Variants in VAPB observed in about 807,000 individuals in gnomAD.
VAPB encodes the protein VAMP associated protein B and C.
In VAPB, 7 loss-of-function variants were observed where a neutral mutation model predicts 25.6. The ratio of observed to expected loss-of-function variants is 0.27; its 90% CI spans 0.16 to 0.51. VAPB has a LOEUF of 0.51. Ranked by LOEUF, VAPB falls within the 20% of genes least tolerant of loss-of-function variation. VAPB has a pLI of 0.97. For missense variants in VAPB, 266 were observed against 301.3 expected, an observed-to-expected ratio of 0.88 and a Z score of 0.87; for synonymous variants, 112 against 109.2, an observed-to-expected ratio of 1.03 and a Z score of -0.16.
chr20:58,401,430 C>T (rs1988093027), intron 1 of VAPB, among the ~76,000 whole-genome samples: 2 of 152,192 alleles, frequency 1.3e-5, no homozygotes, highest in African/African-American at 4.8e-5. Flanking sequence ...CTTCTAGTCA[C>T]TGCCCGGGAG....
chr20:58,450,324 T>C lies in VAPB; in HGVS notation c.*6089T>C, dbSNP rs1398825798. The C allele has an allele frequency of 2.2e-6, 1 of 454,002 alleles. No homozygotes were observed. Among genetic ancestry groups the C allele is most frequent in the East Asian group, 6.9e-5 (1 of 14,402 alleles). 28.1% of individuals were successfully genotyped at this position (454,002 alleles called of 1,614,324 possible). A position where few individuals can be genotyped will look rare whatever the true frequency, so the allele number is the denominator to read the frequency against. ...CTACTTTTTGCTTTTCATCATTCAC[T>C]CCTTAGCAAACGTTTCGTAAGTACC... On this transcript the variant is annotated 3_prime_UTR_variant, in exon 6 of 6. Transcript: ENST00000475243.
chr20:58,437,498 G>C (rs1446833404), intron 3 of VAPB, among the ~76,000 whole-genome samples: 1 of 152,188 alleles, frequency 6.6e-6, no homozygotes, highest in African/African-American at 2.4e-5. Context: ...ATAGCACAAA[G>C]CACATTTGCC....
In VAPB at chr20:58,445,440, T is replaced by G. The variant is rs1258114694; in HGVS notation, c.*1205T>G. 1 of 454,346 alleles carries G rather than the reference T, an allele frequency of 2.2e-6. No individual in the cohort carries two copies. The highest frequency in any genetic ancestry group is 6.9e-5 in the East Asian group (1 of 14,390). The allele number at this position is 454,346 out of a possible 1,614,324, so 28.1% of individuals were successfully genotyped here. A position where few individuals can be genotyped will look rare whatever the true frequency, so the allele number is the denominator to read the frequency against. On this transcript the variant is annotated 3_prime_UTR_variant, in exon 6 of 6. Coordinates refer to ENST00000475243, the MANE Select transcript of VAPB (RefSeq NM_004738.5). ...ACTCTTCAGCGAATCCTTCTAGTAC[T>G]AGTTGAGAGTTTGACTGTGAATTAA...
At chr20:58,438,069 C>T (rs769466377) in intron 3 of VAPB, among the ~76,000 whole-genome samples, 2 of 152,056 alleles carry the variant, frequency 1.3e-5, no homozygotes, top group African/African-American at 2.4e-5. Flanking sequence ...TGGGATTTAG[C>T]TAGGAAGGTG....
intron 2 of VAPB, among the ~76,000 whole-genome samples, chr20:58,427,846 A>G (rs896296572): frequency 1.5e-4 from 22 of 151,402 alleles, no homozygotes; most frequent in Admixed American, 1.3e-4. Flanking sequence ...GATGCTGGTG[A>G]AAGTGATCTG....
intron 1 of VAPB, among the ~76,000 whole-genome samples, chr20:58,396,221 G>A (rs1377635350): frequency 3.9e-5 from 6 of 152,166 alleles, no homozygotes; most frequent in Non-Finnish European, 8.8e-5. Context: ...CCTTTGGTTA[G>A]CATGTTAGTA....
chr20:58,416,481 C>T (rs1254100088), intron 1 of VAPB, among the ~76,000 whole-genome samples: 1 of 75,954 alleles, frequency 1.3e-5, no homozygotes, highest in East Asian at 3.8e-4. Flanking sequence ...TGTGAGTTTT[C>T]TGTATTTCTT....
chr20:58,441,366 G>T (rs1989157912), intron 5 of VAPB, among the ~76,000 whole-genome samples: 1 of 152,250 alleles, frequency 6.6e-6, no homozygotes, highest in South Asian at 2.1e-4. Flanking sequence ...ACTTGGCCGG[G>T]TGCGGTGGCT....
chr20:58,441,008 TAAG>T lies in VAPB; in HGVS notation c.502_504del (p.Lys168del). On this transcript the variant is annotated inframe_deletion, in exon 5 of 6. Coordinates refer to ENST00000475243, the MANE Select transcript of VAPB (RefSeq NM_004738.5). ...GTTCTTCTTTGGATGACACCGAAGTTAAGAAGGTTATGGAAGAATGTAAGAGGC... is the reference window on the plus strand; with the variant it reads ...GTTCTTCTTTGGATGACACCGAAGTTAAGGTTATGGAAGAATGTAAGAGGC... The T allele has an allele frequency of 1.9e-6, 3 of 1,614,062 alleles. No homozygotes were observed. The highest frequency in any genetic ancestry group is 1.7e-6 in the Non-Finnish European group (2 of 1,180,020).
At chr20:58,420,111 G>A (rs763999754) in intron 2 of VAPB, among the ~76,000 whole-genome samples, 1 of 151,908 alleles carries the variant, frequency 6.6e-6, no homozygotes, top group African/African-American at 2.4e-5. Flanking sequence ...TCAGCCTCCC[G>A]AGTAGCTAGG....
intron 3 of VAPB, among the ~76,000 whole-genome samples, chr20:58,436,092 T>C (rs563629261): frequency 6.6e-6 from 1 of 152,286 alleles, no homozygotes; most frequent in South Asian, 2.1e-4. Flanking sequence ...GCCTGGTGGG[T>C]CCAGTGTCTG....
chr20:58,435,994 T>C (rs1433982233), intron 3 of VAPB, among the ~76,000 whole-genome samples: 4 of 152,168 alleles, frequency 2.6e-5, no homozygotes, highest in African/African-American at 7.2e-5. Flanking sequence ...GCAGGTTTTA[T>C]TAACTCTGTT....
chr20:58,398,482 G>C (rs1314943629), intron 1 of VAPB, among the ~76,000 whole-genome samples: 3 of 152,198 alleles, frequency 2.0e-5, no homozygotes, highest in African/African-American at 4.8e-5. Flanking sequence ...CTTCCTGTGG[G>C]CCAGGCACTA....
intron 1 of VAPB, among the ~76,000 whole-genome samples, chr20:58,403,490 C>T (rs889427750): frequency 3.4e-4 from 52 of 152,326 alleles, no homozygotes; most frequent in African/African-American, 1.2e-3. Context: ...GGTATCTTTA[C>T]TCTTCTTTCA....
intron 1 of VAPB, among the ~76,000 whole-genome samples, chr20:58,414,643 C>T (rs1209140375): frequency 2.0e-5 from 3 of 150,984 alleles, no homozygotes; most frequent in Non-Finnish European, 3.0e-5. Context: ...CGGGCAGAGA[C>T]GCTCCTCACT....
rs1386657676 is a variant in VAPB, at chr20:58,434,673, G to T, written c.283G>T (p.Ala95Ser). ...KHKFMVQSMF[A>S]PTDTSDMEAV... ...CAAGTTTATGGTTCAGTCTATGTTT[G>T]CTCCAACTGACACTTCAGATATGGA... The change falls in exon 3 of 6, where the codon GCT (alanine) becomes TCT (serine). Residue 95 changes from alanine to serine, a missense_variant. By Grantham distance (99) the Ala-to-Ser change is moderately conservative. Around this residue, in one of 3 missense-constraint regions of VAPB, gnomAD observed 98 missense variants for 147.1 expected, o/e 0.67. Coordinates refer to ENST00000475243, the MANE Select transcript of VAPB (RefSeq NM_004738.5). The T allele has an allele frequency of 6.3e-7, 1 of 1,589,748 alleles. No individual in the cohort carries two copies. The highest frequency in any genetic ancestry group is 1.7e-5 in the Admixed American group (1 of 60,000).
At chr20:58,418,963 TGAA>T (rs1988610712) in intron 2 of VAPB, among the ~76,000 whole-genome samples, 1 of 152,182 alleles carries the variant, frequency 6.6e-6, no homozygotes, top group South Asian at 2.1e-4. Flanking sequence ...ATCCACCTTT[TGAA>T]AAATACTGGT....
At chr20:58,402,581 T>A (rs1345381639) in intron 1 of VAPB, among the ~76,000 whole-genome samples, 2 of 149,382 alleles carry the variant, frequency 1.3e-5, no homozygotes, top group Non-Finnish European at 3.0e-5. Flanking sequence ...TTTTTTTTTT[T>A]AGATTGTGTC....
intron 1 of VAPB, among the ~76,000 whole-genome samples, chr20:58,404,340 C>G (rs1197871766): frequency 6.6e-6 from 1 of 152,114 alleles, no homozygotes; most frequent in Admixed American, 6.6e-5. Flanking sequence ...CATTTGATGC[C>G]CCCAGAAGCC....
Sources: gnomAD v4.1 joint callset for allele counts (sites outside exome capture counted in the v4.1 genomes callset) on GRCh38, gnomAD v4.1.1 for gene constraint, gnomAD v4.1.1 regional missense constraint, MANE v1.5 for transcripts, NCBI Gene and HGNC (gene_info 2026-07-23, HGNC 2026-07-21) for gene names.